Variants in LYST observed in about 807,000 individuals in gnomAD.
The protein encoded by LYST is lysosomal trafficking regulator.
In LYST, 192 loss-of-function variants were observed where a neutral mutation model predicts 413.6. The observed-to-expected ratio is 0.46, with a 90% CI of 0.41 to 0.52. The LOEUF is 0.52. Ranked by LOEUF, LYST falls within the 20% of genes least tolerant of loss-of-function variation. LYST has a pLI of 0.00. For missense variants in LYST, 3,815 were observed against 4,499.9 expected, an observed-to-expected ratio of 0.85 and a Z score of 4.35; for synonymous variants, 1,525 against 1,567.3, an observed-to-expected ratio of 0.97 and a Z score of 0.64.
intron 2 of LYST, among the ~76,000 whole-genome samples, chr1:235,832,949 T>C (rs983537760): frequency 6.6e-6 from 1 of 152,172 alleles, no homozygotes; most frequent in Non-Finnish European, 1.5e-5. Context: ...TGGATTTCTT[T>C]TGATATAATA....
At chr1:235,691,906 C>A (rs2103071295) in intron 47 of LYST, among the ~76,000 whole-genome samples, 1 of 151,206 alleles carries the variant, frequency 6.6e-6, no homozygotes, top group African/African-American at 2.4e-5. Context: ...CCATGTTGGC[C>A]AGGCTGGTCT....
In LYST at chr1:235,809,801, A is replaced by G; in HGVS notation, c.1017T>C (p.Val339=). ...RTVLHLLSVD[V]STAEMMPENL... ...TTTCTGGCATCATCTCTGCAGTACTAACATCTACTGACAGAAGATGCAACA... is the reference window on the plus strand; with the variant it reads ...TTTCTGGCATCATCTCTGCAGTACTGACATCTACTGACAGAAGATGCAACA... The change falls in exon 5 of 53, where the codon GTT becomes GTC. Residue 339 remains valine (V), a synonymous_variant. Transcript: ENST00000389793. This position sits in a 1 kb window ranked among gnomAD's most constrained non-coding sequence, Gnocchi z 4.0. 6.2e-7 allele frequency: 1 copy of G among 1,613,990 alleles called. No homozygotes were observed. The highest frequency in any genetic ancestry group is 8.5e-7 in the Non-Finnish European group (1 of 1,179,952).
chr1:235,702,184 A>C (rs1168301821), intron 45 of LYST, among the ~76,000 whole-genome samples: 1 of 152,224 alleles, frequency 6.6e-6, no homozygotes, highest in Admixed American at 6.5e-5. Flanking sequence ...AATCCACTTT[A>C]GCTTTAAGGC....
intron 44 of LYST, among the ~76,000 whole-genome samples, chr1:235,708,754 G>A (rs573310180): frequency 6.6e-6 from 1 of 152,090 alleles, no homozygotes; most frequent in Admixed American, 6.6e-5. Flanking sequence ...TTGGATGTTT[G>A]TGCCTGCTTT....
In LYST at chr1:235,705,383, C is replaced by CT. The variant is rs200221983; in HGVS notation, c.10144-2407dup. On this transcript the variant is annotated intron_variant, in intron 44 of 52. Coordinates refer to ENST00000389793, the MANE Select transcript of LYST (RefSeq NM_000081.4). ...CCATGTGTATTTCAGTCTTCAGATA[C>CT]TTTTTTTTAAAAAAAAAATTGAGAC... Among the ~76,000 whole-genome samples, 759 of 151,830 alleles carry CT rather than the reference C, an allele frequency of 5.0e-3. 2 individuals carry two copies. The highest frequency in any genetic ancestry group is 8.4e-3 in the Non-Finnish European group (574 of 67,932).
intron 10 of LYST, 142 bp from the exon 11 acceptor site, chr1:235,793,754 C>A: frequency 4.1e-6 from 2 of 489,378 alleles, no homozygotes; most frequent in East Asian, 3.4e-5. Flanking sequence ...ACAAAATTTG[C>A]TGAAGAAATA....
At chr1:235,691,466 A>C (rs1223721583) in intron 47 of LYST, among the ~76,000 whole-genome samples, 1 of 152,198 alleles carries the variant, frequency 6.6e-6, no homozygotes. Flanking sequence ...ATTTAGGAAA[A>C]ATCAGGTATA....
Position 235,709,167 on chromosome 1 carries a change from T to C in LYST, c.10067A>G (p.Gln3356Arg). 6.2e-7 allele frequency: 1 copy of C among 1,614,100 alleles called. No individual in the cohort carries two copies. The stretch of plus-strand genomic sequence containing the variant: ...ATACCCAAACACCAAGTCAATCCAC[T>C]GACAGATGTTCTGCGACACGTAGTC... Reference protein sequence around the residue: ...ESDYVSQNICQWIDLVFGYKQ... With the variant: ...ESDYVSQNICRWIDLVFGYKQ... The change falls in exon 44 of 53, where the codon CAG (glutamine) becomes CGG (arginine). Residue 3356 changes from glutamine to arginine, a missense_variant. Gln to Arg is a conservative substitution (Grantham distance 43). Around this residue, in one of 4 missense-constraint regions of LYST, gnomAD observed 866 missense variants for 1,156.0 expected, o/e 0.75. Coordinates refer to ENST00000389793, the MANE Select transcript of LYST (RefSeq NM_000081.4).
chr1:235,770,850 C>T (rs180994534), intron 19 of LYST, among the ~76,000 whole-genome samples: 86 of 152,256 alleles, frequency 5.6e-4, no homozygotes, highest in Admixed American at 2.3e-3. Context: ...TAGTTAGCAT[C>T]CCTTGACAGT....
In LYST at chr1:235,753,182, T is replaced by C. The variant is rs752896052; in HGVS notation, c.7322A>G (p.Asn2441Ser). 1.2e-6 allele frequency: 2 copies of C among 1,608,852 alleles called. No homozygotes were observed. Among genetic ancestry groups the C allele is most frequent in the East Asian group, 2.2e-5 (1 of 44,730 alleles). The change falls in exon 26 of 53, where the codon AAC becomes AGC. Residue 2441 changes from asparagine to serine, a missense_variant. Around this residue, in one of 4 missense-constraint regions of LYST, gnomAD observed 771 missense variants for 837.1 expected, o/e 0.92. Transcript: ENST00000389793. ...LGLIETSLYDNILLHNALLLL... is the reference protein window; with the variant it reads ...LGLIETSLYDSILLHNALLLL... ...TAAAAGAGCATTATGCAAGAGTATG[T>C]TGTCATATAGAGAGGTCTCTATTAG...
chr1:235,667,666 T>C lies in LYST; in HGVS notation c.11039-3045A>G, dbSNP rs540604426. Reference sequence around the variant, plus strand: ...ATAACCTCTGCACATCCTCCTGTATTCTTTTTTTTTTTTCTTTTGAGATGG... The same window carrying C: ...ATAACCTCTGCACATCCTCCTGTATCCTTTTTTTTTTTTCTTTTGAGATGG... On this transcript the variant is annotated intron_variant, in intron 50 of 52. Transcript: ENST00000389793. 5.9e-5 allele frequency among the ~76,000 whole-genome samples: 9 copies of C among 152,064 alleles called. No individual in the cohort carries two copies. In the South Asian group the frequency reaches 1.9e-3, roughly 32 times the overall value.
intron 7 of LYST, 40 bp downstream of exon 7, chr1:235,804,464 G>C (rs1371864933): frequency 6.5e-7 from 1 of 1,538,182 alleles, no homozygotes; most frequent in Non-Finnish European, 9.0e-7. Context: ...GCCTCTGCTG[G>C]TCATACCCAA....
rs753722157 is a variant in LYST at position 235,770,256 on chromosome 1, G to A, written c.5826C>T (p.Leu1942=). The A allele has an allele frequency of 1.1e-5, 17 of 1,613,580 alleles. No homozygotes were observed. Among genetic ancestry groups the A allele is most frequent in the Non-Finnish European group, 1.3e-5 (15 of 1,179,616 alleles). The part of the protein sequence containing the change: ...WETLLAALEV[L]IRADHHQQMF... ...TCTGCTGGTGGTGATCTGCTCTGAT[G>A]AGGACTTCTAGAGCTGCTAGCAAAG... is the stretch of plus-strand genomic sequence containing the variant. Residue 1942 remains leucine (L), a synonymous_variant, in exon 20 of 53, where the codon CTC becomes CTT. Coordinates refer to ENST00000389793, the MANE Select transcript of LYST (RefSeq NM_000081.4).
chr1:235,757,366 T>A lies in LYST; in HGVS notation c.6974A>T (p.Asp2325Val). The A allele has an allele frequency of 6.2e-7, 1 of 1,613,686 alleles. No individual in the cohort carries two copies. The highest frequency in any genetic ancestry group is 1.1e-5 in the South Asian group (1 of 91,070). Residue 2325 changes from aspartate to valine, a missense_variant, in exon 24 of 53, where the codon GAT becomes GTT. By Grantham distance (152) the Asp-to-Val change is radical (BLOSUM62 -3). Around this residue, in one of 4 missense-constraint regions of LYST, gnomAD observed 771 missense variants for 837.1 expected, o/e 0.92. Transcript: ENST00000389793. ...LLILPDVLLEDVMDKLIQADT... is the reference protein window; with the variant it reads ...LLILPDVLLEVVMDKLIQADT... ...TGCTTGAATAAGCTTGTCCATCACA[T>A]CTTCAAGCAAAACATCAGGCAGGAT...
chr1:235,815,853 C>T (rs1037170235), intron 3 of LYST, among the ~76,000 whole-genome samples: 1 of 152,172 alleles, frequency 6.6e-6, no homozygotes, highest in East Asian at 1.9e-4. Context: ...TAAAATGGGG[C>T]CGGGCGCGGT....
chr1:235,831,806 GAAAGTA>G (rs1325566877), intron 2 of LYST, among the ~76,000 whole-genome samples: 5 of 152,080 alleles, frequency 3.3e-5, no homozygotes, highest in Non-Finnish European at 7.4e-5. Context: ...TATGCTTTCA[GAAAGTA>G]AAAGTATTAA....
At position 235,806,355 on chromosome 1, in the gene LYST, A is replaced by C; in HGVS notation, c.2781T>G (p.Ser927=). The change falls in exon 6 of 53, where the codon TCT becomes TCG. Residue 927 remains serine (S), a synonymous_variant. Coordinates refer to ENST00000389793, the MANE Select transcript of LYST (RefSeq NM_000081.4). ...GCTCGCTGGCTGTGCTGTCATAGCCAGAAGTATCTTCTGAGTCATTGGCCG... is the reference window on the plus strand; with the variant it reads ...GCTCGCTGGCTGTGCTGTCATAGCCCGAAGTATCTTCTGAGTCATTGGCCG... ...RESANDSEDT[S]GYDSTASEPL... is the part of the protein sequence containing the mutation. 6.2e-7 allele frequency: 1 copy of C among 1,614,072 alleles called. No homozygotes were observed. The highest frequency in any genetic ancestry group is 8.5e-7 in the Non-Finnish European group (1 of 1,179,992).
intron 21 of LYST, among the ~76,000 whole-genome samples, chr1:235,764,495 C>CTTTTTTTTTTTTT (rs1020736833): frequency 6.1e-5 from 6 of 97,948 alleles, no homozygotes; most frequent in Admixed American, 1.0e-4. Flanking sequence ...TTTTTCTTTT[C>CTTTTTTTTTTTTT]TTTTTTTTTT....
At chr1:235,828,963 G>T in intron 3 of LYST, 1 of 425,774 alleles carries the variant, frequency 2.3e-6, no homozygotes, top group Non-Finnish European at 3.1e-6. Context: ...CCAGCACTTT[G>T]GGAGGCCAAC....
Sources: allele counts gnomAD v4.1 joint callset (sites outside exome capture counted in the v4.1 genomes callset), GRCh38; gene constraint gnomAD v4.1.1; regional missense constraint gnomAD v4.1.1; non-coding constraint Gnocchi (gnomAD v3.1); transcripts MANE v1.5; gene names NCBI Gene and HGNC (gene_info 2026-07-23, HGNC 2026-07-21).